Variants in PRSS21 observed in about 807,000 individuals in gnomAD.
The protein encoded by PRSS21 is serine protease 21.
Under a neutral mutation model 31.1 loss-of-function variants are expected in PRSS21, and 40 were observed. The ratio of observed to expected loss-of-function variants is 1.29; its 90% CI spans 1.00 to 1.68. The LOEUF is 1.68. Among genes scored for constraint, PRSS21 ranks in the 40% most tolerant of loss-of-function variants. The pLI is 0.00. For synonymous variants in PRSS21, 186 were observed against 167.7 expected (o/e 1.11, Z -0.84); for missense variants, 467 against 412.6 (o/e 1.13, Z -1.14).
Position 2,818,882 on chromosome 16 carries a change from C to T in PRSS21, c.463C>T (p.Pro155Ser), listed in dbSNP as rs1247047259. Reference sequence around the variant, plus strand: ...TGTCACCTACACTAAACACATCCAGCCCATCTGTCTCCAGGCCTCCACATT... The same window carrying T: ...TGTCACCTACACTAAACACATCCAGTCCATCTGTCTCCAGGCCTCCACATT... Reference protein sequence around the residue: ...APVTYTKHIQPICLQASTFEF... With the variant: ...APVTYTKHIQSICLQASTFEF... The change falls in exon 4 of 6, where the codon CCC becomes TCC. Residue 155 changes from proline (P) to serine (S), a missense_variant. Physicochemically the swap from Pro to Ser is moderately conservative, Grantham distance 74 (BLOSUM62 -1). Coordinates refer to ENST00000005995, the MANE Select transcript of PRSS21 (RefSeq NM_006799.4). 6.2e-7 allele frequency: 1 copy of T among 1,614,202 alleles called. No homozygotes were observed. The highest frequency in any genetic ancestry group is 1.3e-5 in the African/African-American group (1 of 75,058).
At position 2,821,354 on chromosome 16, in the gene PRSS21, G is replaced by C; in HGVS notation, c.706-12G>C. ...TCTGCCCCAGGCTGACCTCAGCCCC[G>C]CTGCTCCCCAGGGTGACTCAGGTGG... On this transcript the variant is annotated splice_polypyrimidine_tract_variant and intron_variant, in intron 5 of 5. Coordinates refer to ENST00000005995, the MANE Select transcript of PRSS21 (RefSeq NM_006799.4). 1 of 1,613,592 alleles carries C rather than the reference G, an allele frequency of 6.2e-7. No individual in the cohort carries two copies. The highest frequency in any genetic ancestry group is 8.5e-7 in the Non-Finnish European group (1 of 1,179,646).
At position 2,817,998 on chromosome 16, in the gene PRSS21, G is replaced by T. The variant is rs369683479; in HGVS notation, c.257+32G>T. Reference sequence around the variant, plus strand: ...GGGGGTGCGAACGGAGGGGTGCGGGGACGGGCAGGAACAGGGCTGGAGGGA... The same window carrying T: ...GGGGGTGCGAACGGAGGGGTGCGGGTACGGGCAGGAACAGGGCTGGAGGGA... On this transcript the variant is annotated intron_variant, in intron 3 of 5. Transcript: ENST00000005995. The surrounding 1 kb of genome is among the most constrained non-coding windows in gnomAD (Gnocchi z 4.2). The T allele has an allele frequency of 5.9e-3, 9,047 of 1,535,592 alleles. 38 individuals carry two copies. The highest frequency in any genetic ancestry group is 7.1e-3 in the Non-Finnish European group (8,094 of 1,140,472).
Position 2,818,885 on chromosome 16 carries a change from A to G in PRSS21, c.466A>G (p.Ile156Val), listed in dbSNP as rs781450075. The G allele has an allele frequency of 1.2e-6, 2 of 1,614,202 alleles. No individual in the cohort carries two copies. Among genetic ancestry groups the G allele is most frequent in the African/African-American group, 1.3e-5 (1 of 75,054 alleles). ...PVTYTKHIQPICLQASTFEFE... is the reference protein window; with the variant it reads ...PVTYTKHIQPVCLQASTFEFE... ...CACCTACACTAAACACATCCAGCCC[A>G]TCTGTCTCCAGGCCTCCACATTTGA... The change falls in exon 4 of 6, where the codon ATC (isoleucine) becomes GTC (valine). Residue 156 changes from isoleucine (I) to valine (V), a missense_variant. Coordinates refer to ENST00000005995, the MANE Select transcript of PRSS21 (RefSeq NM_006799.4).
intron 5 of PRSS21, 50 bp from the exon 6 acceptor site, chr16:2,821,316 C>T (rs1482975501): frequency 4.4e-6 from 7 of 1,606,090 alleles, no homozygotes; most frequent in Middle Eastern, 1.7e-4. Context: ...AGCCCCTCCC[C>T]TGCCCCACTC....
Position 2,817,498 on chromosome 16 carries a change from GCCGAGGTGGAC to G in PRSS21, c.91+43_91+53del. 6 of 1,481,426 alleles carry G rather than the reference GCCGAGGTGGAC, an allele frequency of 4.1e-6. No homozygotes were observed. Among genetic ancestry groups the G allele is most frequent in the South Asian group, 2.4e-5 (2 of 82,430 alleles). 91.8% of individuals were successfully genotyped at this position (1,481,426 alleles called of 1,614,324 possible). A position where few individuals can be genotyped will look rare whatever the true frequency, so the allele number is the denominator to read the frequency against. On this transcript the variant is annotated intron_variant, in intron 2 of 5. Coordinates refer to ENST00000005995, the MANE Select transcript of PRSS21 (RefSeq NM_006799.4). This position sits in a 1 kb window ranked among gnomAD's most constrained non-coding sequence, Gnocchi z 4.2. Reference sequence around the variant, plus strand: ...GCGCGATTCCTGCCAGGGCCGTTGGGCCGAGGTGGACGGGGGGCGGTGAGGGGGTAGAGGGG... The same window carrying G: ...GCGCGATTCCTGCCAGGGCCGTTGGGGGGGGGCGGTGAGGGGGTAGAGGGG...
chr16:2,818,497 A>G (rs968721795), intron 3 of PRSS21, among the ~76,000 whole-genome samples, 180 bp from the exon 4 acceptor site: 13 of 152,158 alleles, frequency 8.5e-5, no homozygotes, highest in African/African-American at 3.1e-4. Context: ...CTTCTGCTGC[A>G]GGAGCAGGTC....
In PRSS21 at chr16:2,817,598, TAAC is replaced by T; in HGVS notation, c.91+143_91+145del. 1 of 1,345,058 alleles carries T rather than the reference TAAC, an allele frequency of 7.4e-7. No individual in the cohort carries two copies. Among genetic ancestry groups the T allele is most frequent in the Non-Finnish European group, 1.0e-6 (1 of 1,004,670 alleles). 83.3% of individuals were successfully genotyped at this position (1,345,058 alleles called of 1,614,324 possible). A position where few individuals can be genotyped will look rare whatever the true frequency, so the allele number is the denominator to read the frequency against. On this transcript the variant is annotated intron_variant, in intron 2 of 5. Transcript: ENST00000005995. This position sits in a 1 kb window ranked among gnomAD's most constrained non-coding sequence, Gnocchi z 4.2. The stretch of plus-strand genomic sequence containing the variant: ...GAACTCTGTTGGCGTGGAAAGTAAC[TAAC>T]GGACGCTGGAGGGGGATGGGCGGGC...
intron 4 of PRSS21, 91 bp downstream of exon 4, chr16:2,819,060 G>A (rs951079126): frequency 6.7e-5 from 97 of 1,448,830 alleles, no homozygotes; most frequent in Non-Finnish European, 8.9e-5. Context: ...TGGTCTGGGG[G>A]TGCAGGCTAT....
At chr16:2,820,756 C>G (rs938669665) in intron 4 of PRSS21, among the ~76,000 whole-genome samples, 199 bp from the exon 5 acceptor site, 4 of 152,176 alleles carry the variant, frequency 2.6e-5, no homozygotes, top group African/African-American at 9.7e-5. Context: ...GCTCTGACAG[C>G]CTGTCCCTCC....
chr16:2,819,644 G>A (rs2069138346), intron 4 of PRSS21, among the ~76,000 whole-genome samples: 1 of 152,240 alleles, frequency 6.6e-6, no homozygotes, highest in African/African-American at 2.4e-5. Flanking sequence ...AACAAACGTG[G>A]TTCCTTGAGC....
At chr16:2,820,113 C>T (rs1161831674) in intron 4 of PRSS21, among the ~76,000 whole-genome samples, 1 of 152,202 alleles carries the variant, frequency 6.6e-6, no homozygotes, top group Non-Finnish European at 1.5e-5. Context: ...ACTTCTGGAG[C>T]CCCCTGCCTG....
intron 4 of PRSS21, among the ~76,000 whole-genome samples, chr16:2,819,365 C>A (rs1003803085): frequency 6.6e-6 from 1 of 152,198 alleles, no homozygotes; most frequent in Non-Finnish European, 1.5e-5. Context: ...CTGGCCGATT[C>A]TCCTGCAGCA....
At position 2,818,126 on chromosome 16, in the gene PRSS21, G is replaced by A. The variant is rs548135325; in HGVS notation, c.257+160G>A. On this transcript the variant is annotated intron_variant, in intron 3 of 5. Coordinates refer to ENST00000005995, the MANE Select transcript of PRSS21 (RefSeq NM_006799.4). ...CTGAGCCCCAGGCTGTGCTGCAGCCGGTTACACCCACTCCAGTTCCCTTTG... is the reference window on the plus strand; with the variant it reads ...CTGAGCCCCAGGCTGTGCTGCAGCCAGTTACACCCACTCCAGTTCCCTTTG... Among the ~76,000 whole-genome samples, 6 of 152,266 alleles carry A rather than the reference G, an allele frequency of 3.9e-5. No homozygotes were observed. In the East Asian group the frequency reaches 5.8e-4, roughly 15 times the overall value.
chr16:2,820,800 G>A lies in PRSS21; in HGVS notation c.551-155G>A, dbSNP rs78788021. Among the ~76,000 whole-genome samples, 3 of 152,268 alleles carry A rather than the reference G, an allele frequency of 2.0e-5. No individual in the cohort carries two copies. The East Asian group carries it at 5.8e-4, about 29-fold the overall frequency. On this transcript the variant is annotated intron_variant, in intron 4 of 5. Coordinates refer to ENST00000005995, the MANE Select transcript of PRSS21 (RefSeq NM_006799.4). ...TTCTGTGATGCTGCTGAGGGCCTCT[G>A]TTGTGCTGGGGTCTGGGTTGGAGCT... is the stretch of plus-strand genomic sequence containing the variant.
chr16:2,821,234 G>C, intron 5 of PRSS21, 125 bp downstream of exon 5: 2 of 1,536,402 alleles, frequency 1.3e-6, no homozygotes, highest in Non-Finnish European at 1.8e-6. Flanking sequence ...AGAAACGGAG[G>C]CTTGGCTGCT....
At position 2,818,716 on chromosome 16, in the gene PRSS21, G is replaced by A; in HGVS notation, c.297G>A (p.Gln99=). Residue 99 remains glutamine, a synonymous_variant, in exon 4 of 6, where the codon CAG becomes CAA. Coordinates refer to ENST00000005995, the MANE Select transcript of PRSS21 (RefSeq NM_006799.4). ...DLSDPSGWMV[Q]FGQLTSMPSF... ...GTGATCCCTCCGGGTGGATGGTCCA[G>A]TTTGGCCAGCTGACTTCCATGCCAT... 1 of 1,614,204 alleles carries A rather than the reference G, an allele frequency of 6.2e-7. No homozygotes were observed.
rs745516856 is a variant in PRSS21 at position 2,820,999 on chromosome 16, A to C, written c.595A>C (p.Ile199Leu). 1.2e-6 allele frequency: 2 copies of C among 1,613,988 alleles called. No individual in the cohort carries two copies. The highest frequency in any genetic ancestry group is 1.7e-6 in the Non-Finnish European group (2 of 1,180,004). ...CCTCCAGGAAGTTCAGGTCGCCATC[A>C]TAAACAACTCTATGTGCAACCACCT... is the stretch of plus-strand genomic sequence containing the variant. The part of the protein sequence containing the change: ...HTLQEVQVAI[I>L]NNSMCNHLFL... Residue 199 changes from isoleucine to leucine, a missense_variant, in exon 5 of 6, where the codon ATA becomes CTA. Transcript: ENST00000005995.
chr16:2,818,338 C>G (rs1056105934), intron 3 of PRSS21, among the ~76,000 whole-genome samples: 10 of 152,330 alleles, frequency 6.6e-5, no homozygotes, highest in African/African-American at 2.4e-4. Flanking sequence ...CCAGCACCCC[C>G]GGGCCGCTGT....
chr16:2,817,533 G>GA lies in PRSS21; in HGVS notation c.91+77_91+78insA. ...ACGGGGGGCGGTGAGGGGGTAGAGG[G>GA]GGGCCTTTACTGCTCTCTCGCCCCC... On this transcript the variant is annotated intron_variant, in intron 2 of 5. Coordinates refer to ENST00000005995, the MANE Select transcript of PRSS21 (RefSeq NM_006799.4). The surrounding 1 kb of genome is among the most constrained non-coding windows in gnomAD (Gnocchi z 4.2). 1 of 1,385,082 alleles carries GA rather than the reference G, an allele frequency of 7.2e-7. No individual in the cohort carries two copies. The highest frequency in any genetic ancestry group is 9.7e-7 in the Non-Finnish European group (1 of 1,033,966). The allele number at this position is 1,385,082 out of a possible 1,614,324, so 85.8% of individuals were successfully genotyped here.
Sources: allele counts gnomAD v4.1 joint callset (sites outside exome capture counted in the v4.1 genomes callset), GRCh38; gene constraint gnomAD v4.1.1; non-coding constraint Gnocchi (gnomAD v3.1); transcripts MANE v1.5; gene names NCBI Gene and HGNC (gene_info 2026-07-23, HGNC 2026-07-21).